The following PCDHA1 variants were observed in gnomAD, a reference collection of about 807,000 sequenced individuals.
PCDHA1 encodes the protein protocadherin alpha-1.
Under a neutral mutation model 61.3 loss-of-function variants are expected in PCDHA1, and 42 were observed. The ratio of observed to expected loss-of-function variants is 0.69; its 90% CI spans 0.54 to 0.89. PCDHA1 has a LOEUF of 0.89. Ranked by LOEUF, PCDHA1 falls within the 40% of genes least tolerant of loss-of-function variation. PCDHA1 has a pLI of 0.00. For synonymous variants in PCDHA1, 610 were observed against 553.8 expected (o/e 1.10, Z -1.43); for missense variants, 1,256 against 1,235.3 (o/e 1.02, Z -0.25).
intron 1 of PCDHA1, chr5:140,862,823 C>A (rs782375120): frequency 8.7e-6 from 5 of 571,444 alleles, no homozygotes; most frequent in Admixed American, 1.9e-5. Flanking sequence ...TAGGTGAGAG[C>A]GCGCGACGCG....
chr5:140,870,956 G>T (rs1554164932), intron 1 of PCDHA1: 2 of 1,613,520 alleles, frequency 1.2e-6, no homozygotes, highest in East Asian at 2.2e-5. Flanking sequence ...GGCGGCTCGC[G>T]CATCCCGTTC....
At position 140,927,248 on chromosome 5, in the gene PCDHA1, A is replaced by T. The variant is rs572200211; in HGVS notation, c.2395-51701A>T. On this transcript the variant is annotated intron_variant, in intron 1 of 3. Transcript: ENST00000504120. The stretch of plus-strand genomic sequence containing the variant: ...CGGATTCACGTCCTGGACACCAATG[A>T]CAACTCACCTCTCTTTCCTGCCGGC... 3.5e-5 allele frequency: 56 copies of T among 1,614,064 alleles called. No homozygotes were observed. The South Asian group carries it at 5.7e-4, about 16-fold the overall frequency.
chr5:140,877,268 C>T, intron 1 of PCDHA1: 1 of 1,613,828 alleles, frequency 6.2e-7, no homozygotes, highest in South Asian at 1.1e-5. Flanking sequence ...GCGGTGGACG[C>T]TGACTCCGGC....
At chr5:140,816,301 G>A (rs1765879211) in intron 1 of PCDHA1, 1 of 152,090 alleles carries the variant, frequency 6.6e-6, no homozygotes, top group African/African-American at 2.4e-5. Flanking sequence ...GAACATGTCT[G>A]TAAAATTTTC....
intron 1 of PCDHA1, among the ~76,000 whole-genome samples, chr5:140,872,108 A>G (rs980071264): frequency 1.3e-5 from 2 of 152,072 alleles, no homozygotes; most frequent in African/African-American, 4.8e-5. Context: ...TGGCTTTCCT[A>G]ACTTCAGGCT....
chr5:140,980,487 G>C (rs2096891705), intron 2 of PCDHA1, among the ~76,000 whole-genome samples: 1 of 152,124 alleles, frequency 6.6e-6, no homozygotes, highest in African/African-American at 2.4e-5. Flanking sequence ...AAAATTAGCT[G>C]GGCGTGATGG....
chr5:140,916,469 T>C (rs1051023499), intron 1 of PCDHA1, among the ~76,000 whole-genome samples: 2 of 152,194 alleles, frequency 1.3e-5, no homozygotes, highest in African/African-American at 4.8e-5. Flanking sequence ...TGCTGGTTAT[T>C]TGGTGCCCAA....
Position 140,836,117 on chromosome 5 carries a change from A to G in PCDHA1, c.2394+47433A>G, listed in dbSNP as rs1254092346. The G allele has an allele frequency of 3.1e-6, 5 of 1,613,532 alleles. No homozygotes were observed. In the Admixed American group the frequency reaches 5.0e-5, roughly 16 times the overall value. On this transcript the variant is annotated intron_variant, in intron 1 of 3. Transcript: ENST00000504120. ...TGGGTGGCACTGGTGGCGCAGTGAG[A>G]GAGCTTGTGCCGCGGTCTGTGGGCG...
At chr5:140,840,225 A>G (rs1261642002) in intron 1 of PCDHA1, among the ~76,000 whole-genome samples, 2 of 152,034 alleles carry the variant, frequency 1.3e-5, no homozygotes, top group Non-Finnish European at 2.9e-5. Flanking sequence ...CATATGAGTA[A>G]ATGTGGAGAA....
intron 1 of PCDHA1, among the ~76,000 whole-genome samples, chr5:140,879,868 A>G (rs544274525): frequency 2.0e-5 from 3 of 152,222 alleles, no homozygotes; most frequent in Middle Eastern, 3.4e-3. Context: ...CTCAGCTTTC[A>G]TGGTCACATT....
intron 1 of PCDHA1, chr5:140,803,303 C>T (rs1171737717): frequency 2.5e-6 from 4 of 1,614,108 alleles, no homozygotes; most frequent in South Asian, 1.1e-5. Flanking sequence ...ACTTGATCGT[C>T]GCCATCTGCG....
chr5:140,927,150 G>GT, intron 1 of PCDHA1: 1 of 1,614,134 alleles, frequency 6.2e-7, no homozygotes, highest in Non-Finnish European at 8.5e-7. Context: ...GCGAACAGCT[G>GT]TGCAGGGCCA....
At chr5:140,975,313 T>C (rs2096662091) in intron 1 of PCDHA1, among the ~76,000 whole-genome samples, 1 of 152,224 alleles carries the variant, frequency 6.6e-6, no homozygotes, top group African/African-American at 2.4e-5. Flanking sequence ...TGTGATTATG[T>C]CAGTCCCATC....
chr5:140,832,634 AG>A (rs1772087918), intron 1 of PCDHA1, among the ~76,000 whole-genome samples: 1 of 152,156 alleles, frequency 6.6e-6, no homozygotes, highest in Non-Finnish European at 1.5e-5. Context: ...AAAAGTTCCT[AG>A]GAGGGTCTTT....
rs1563376756 is a variant in PCDHA1, at chr5:140,968,306, C to G, written c.2395-10643C>G. 1.9e-6 allele frequency: 3 copies of G among 1,613,808 alleles called. No individual in the cohort carries two copies. The highest frequency in any genetic ancestry group is 2.5e-6 in the Non-Finnish European group (3 of 1,179,908). On this transcript the variant is annotated intron_variant, in intron 1 of 3. Transcript: ENST00000504120. ...CTACTCCCTTCTGGAGAGGGAGATT[C>G]AAGGGCTGCCAGTCACCTCCTATGT... is the stretch of plus-strand genomic sequence containing the variant.
At position 140,927,469 on chromosome 5, in the gene PCDHA1, C is replaced by G. The variant is rs17844359; in HGVS notation, c.2395-51480C>G. ...GTTGGTGTTGGAGAAAGCACTGGATCGCGAACAGCGCGCCACCCACCTGCT... is the reference window on the plus strand; with the variant it reads ...GTTGGTGTTGGAGAAAGCACTGGATGGCGAACAGCGCGCCACCCACCTGCT... On this transcript the variant is annotated intron_variant, in intron 1 of 3. Transcript: ENST00000504120. 39 of 1,613,964 alleles carry G rather than the reference C, an allele frequency of 2.4e-5. No individual in the cohort carries two copies. The highest frequency in any genetic ancestry group is 1.3e-4 in the South Asian group (12 of 91,094).
At position 140,870,438 on chromosome 5, in the gene PCDHA1, C is replaced by T. The variant is rs192088459; in HGVS notation, c.2394+81754C>T. 3.9e-4 allele frequency: 630 copies of T among 1,614,178 alleles called. 3 individuals are homozygous for T. The African/African-American group carries it at 7.7e-3, about 20-fold the overall frequency. On this transcript the variant is annotated intron_variant, in intron 1 of 3. Coordinates refer to ENST00000504120, the MANE Select transcript of PCDHA1 (RefSeq NM_018900.4). ...CGGCCAGGGTATCCGTGGAGGTGGCCGACGTGAACGACAATGCGCCTGCGT... is the reference window on the plus strand; with the variant it reads ...CGGCCAGGGTATCCGTGGAGGTGGCTGACGTGAACGACAATGCGCCTGCGT...
At chr5:140,996,929 C>T (rs1437008519) in intron 3 of PCDHA1, among the ~76,000 whole-genome samples, 2 of 152,070 alleles carry the variant, frequency 1.3e-5, no homozygotes, top group African/African-American at 2.4e-5. Flanking sequence ...AAAAATATAG[C>T]ATTTTTGCAT....
At chr5:140,870,941 C>A in intron 1 of PCDHA1, 1 of 1,613,712 alleles carries the variant, frequency 6.2e-7, no homozygotes, top group Non-Finnish European at 8.5e-7. Context: ...TTGCAGCCGG[C>A]GGCGGGCGGC....
Sources: allele counts gnomAD v4.1 joint callset (sites outside exome capture counted in the v4.1 genomes callset), GRCh38; gene constraint gnomAD v4.1.1; transcripts MANE v1.5; gene names NCBI Gene and HGNC (gene_info 2026-07-23, HGNC 2026-07-21).